The following AFG2A variants were observed in gnomAD, a reference collection of about 807,000 sequenced individuals.
AFG2A encodes AAA ATPase AFG2A.
the AFG2A span, among the ~76,000 whole-genome samples, chr4:123,007,526 G>C: frequency 8.9e-4 from 128 of 143,124 alleles, no homozygotes; most frequent in Middle Eastern, 3.8e-3. Flanking sequence ...AATTCTCCAT[G>C]CCTATATATA....
At chr4:123,104,414 C>T in the AFG2A span, among the ~76,000 whole-genome samples, 1 of 152,104 alleles carries the variant, frequency 6.6e-6, no homozygotes, top group Admixed American at 6.6e-5. Flanking sequence ...CCCTGAGACA[C>T]AACAGTACTG....
the AFG2A span, among the ~76,000 whole-genome samples, chr4:123,168,860 C>T: frequency 6.6e-6 from 1 of 152,110 alleles, no homozygotes; most frequent in Non-Finnish European, 1.5e-5. Context: ...TAGTTAGAAG[C>T]TAATTGTAGG....
chr4:123,001,282 G>A, the AFG2A span, among the ~76,000 whole-genome samples: 1 of 152,248 alleles, frequency 6.6e-6, no homozygotes, highest in Non-Finnish European at 1.5e-5. Flanking sequence ...GTTTTGAAGG[G>A]TTTTTTGTGT....
chr4:123,238,386 T>C, the AFG2A span, among the ~76,000 whole-genome samples: 1 of 152,198 alleles, frequency 6.6e-6, no homozygotes, highest in Non-Finnish European at 1.5e-5. Context: ...AGTGGGTCCC[T>C]GACCCCCATG....
the AFG2A span, among the ~76,000 whole-genome samples, chr4:123,167,448 C>T: frequency 4.0e-5 from 6 of 151,866 alleles, no homozygotes; most frequent in East Asian, 1.9e-4. Flanking sequence ...CCTGGTTTCA[C>T]GCCATTCTCC....
At chr4:123,262,365 G>A in the AFG2A span, among the ~76,000 whole-genome samples, 2 of 152,100 alleles carry the variant, frequency 1.3e-5, no homozygotes, top group South Asian at 2.1e-4. Flanking sequence ...GTGCTGTAGC[G>A]AAAGAACTAA....
chr4:122,996,354 A>T, the AFG2A span, among the ~76,000 whole-genome samples: 2 of 152,150 alleles, frequency 1.3e-5, no homozygotes, highest in Non-Finnish European at 2.9e-5. Flanking sequence ...AATAAAAACA[A>T]CTAACTTAAT....
At chr4:123,275,544 T>C in the AFG2A span, among the ~76,000 whole-genome samples, 4 of 152,116 alleles carry the variant, frequency 2.6e-5, no homozygotes, top group Non-Finnish European at 4.4e-5. Flanking sequence ...GTTTGTTACA[T>C]AGGTAAACTG....
At chr4:123,010,057 T>A in the AFG2A span, among the ~76,000 whole-genome samples, 3 of 152,166 alleles carry the variant, frequency 2.0e-5, no homozygotes, top group Admixed American at 1.3e-4. Flanking sequence ...TTGGTCAAGT[T>A]GCAGATTAGG....
the AFG2A span, among the ~76,000 whole-genome samples, chr4:123,243,446 T>A: frequency 3.9e-5 from 6 of 152,074 alleles, no homozygotes; most frequent in African/African-American, 1.4e-4. Flanking sequence ...TGTCCTTTGT[T>A]GGGACATGGA....
the AFG2A span, among the ~76,000 whole-genome samples, chr4:123,020,527 C>T: frequency 6.6e-6 from 1 of 151,898 alleles, no homozygotes; most frequent in African/African-American, 2.4e-5. Flanking sequence ...GGCCACTATG[C>T]CTGGCTAATT....
chr4:123,263,512 C>CT, the AFG2A span, among the ~76,000 whole-genome samples: 1 of 152,112 alleles, frequency 6.6e-6, no homozygotes, highest in South Asian at 2.1e-4. Flanking sequence ...CTTTCTGTAA[C>CT]TTTAACATTT....
chr4:123,252,583 G>A, the AFG2A span, among the ~76,000 whole-genome samples: 2 of 152,138 alleles, frequency 1.3e-5, no homozygotes, highest in South Asian at 4.2e-4. Flanking sequence ...TATAAATACT[G>A]GGAGTCTAAC....
At chr4:123,199,583 C>T in the AFG2A span, among the ~76,000 whole-genome samples, 1 of 150,980 alleles carries the variant, frequency 6.6e-6, no homozygotes, top group Non-Finnish European at 1.5e-5. Context: ...GCGATTCTCC[C>T]ACCTCAGCCT....
chr4:123,169,819 A>G, the AFG2A span, among the ~76,000 whole-genome samples: 1 of 152,128 alleles, frequency 6.6e-6, no homozygotes, highest in Non-Finnish European at 1.5e-5. Context: ...CTTTCCTCTT[A>G]AACAAGCAGA....
At chr4:123,233,876 C>T in the AFG2A span, among the ~76,000 whole-genome samples, 1 of 152,004 alleles carries the variant, frequency 6.6e-6, no homozygotes, top group South Asian at 2.1e-4. Context: ...TCTTACTCAA[C>T]AATTCAAGCA....
At chr4:123,145,576 A>G in the AFG2A span, among the ~76,000 whole-genome samples, 7 of 152,288 alleles carry the variant, frequency 4.6e-5, no homozygotes, top group East Asian at 5.8e-4. Flanking sequence ...CAAAGTTAGT[A>G]GTCAGTAGTT....
chr4:122,930,608 T>G, the AFG2A span, among the ~76,000 whole-genome samples: 4 of 152,218 alleles, frequency 2.6e-5, no homozygotes, highest in African/African-American at 9.6e-5. Flanking sequence ...ATATATTGCA[T>G]GTATGTATAC....
At chr4:123,106,388 T>G in the AFG2A span, among the ~76,000 whole-genome samples, 2 of 152,216 alleles carry the variant, frequency 1.3e-5, no homozygotes, top group Non-Finnish European at 2.9e-5. Context: ...AGCTTTATTG[T>G]AGTGGTCTGG....
Sources: allele counts gnomAD v4.1 joint callset (sites outside exome capture counted in the v4.1 genomes callset), GRCh38; gene constraint gnomAD v4.1.1; transcripts MANE v1.5; gene names NCBI Gene and HGNC (gene_info 2026-07-23, HGNC 2026-07-21).